TRPV5: variants seen among roughly 807,000 people sequenced by gnomAD.
The protein encoded by TRPV5 is calcium transport protein 2.
Under a neutral mutation model 74.1 loss-of-function variants are expected in TRPV5, and 66 were observed. The observed-to-expected ratio is 0.89, with a 90% confidence interval of 0.73 to 1.09. TRPV5 has a LOEUF of 1.09. Ranked by LOEUF, TRPV5 falls within the 50% of genes least tolerant of loss-of-function variation. The pLI, the probability that TRPV5 is intolerant of heterozygous loss-of-function variation, is 0.00. For missense variants in TRPV5, 936 were observed against 930.4 expected (o/e 1.01, Z -0.08); for synonymous variants, 399 against 360.7 (o/e 1.11, Z -1.20).
At chr7:142,932,661 G>A (rs995016157) in intron 1 of TRPV5, among the ~76,000 whole-genome samples, 1 of 152,156 alleles carries the variant, frequency 6.6e-6, no homozygotes, top group Non-Finnish European at 1.5e-5. Context: ...GCTCTTCCTG[G>A]GACTGGACCT....
rs1203156062 is a variant in TRPV5 at position 142,928,753 on chromosome 7, G to C, written c.700C>G (p.Leu234Val). 1 of 1,614,194 alleles carries C rather than the reference G, an allele frequency of 6.2e-7. No homozygotes were observed. The highest frequency in any genetic ancestry group is 8.5e-7 in the Non-Finnish European group (1 of 1,180,024). ...GHGDHLQPLD[L>V]VPNHQGLTPF... The stretch of plus-strand genomic sequence containing the variant: ...GTGAGACCCTGGTGATTGGGCACAA[G>C]GTCCAGGGGCTGCAGGTGGTCCCCA... The change falls in exon 6 of 15, where the codon CTT becomes GTT. Residue 234 changes from leucine to valine, a missense_variant. Transcript: ENST00000265310.
At position 142,915,062 on chromosome 7, in the gene TRPV5, G is replaced by A. The variant is rs150334128; in HGVS notation, c.1287-16C>T. ...ATAGGTGATGCTGGGGGAGCAGAAA[G>A]CAGAGAGTGAGAGACAAGCTGGAAC... On this transcript the variant is annotated splice_polypyrimidine_tract_variant and intron_variant, in intron 10 of 14. Coordinates refer to ENST00000265310, the MANE Select transcript of TRPV5 (RefSeq NM_019841.7). The A allele has an allele frequency of 4.9e-4, 798 of 1,612,302 alleles. 2 individuals carry two copies. The African/African-American group carries it at 9.4e-3, about 19-fold the overall frequency.
chr7:142,912,051 T>C (rs1447365773), intron 13 of TRPV5, among the ~76,000 whole-genome samples: 1 of 152,210 alleles, frequency 6.6e-6, no homozygotes, highest in Admixed American at 6.5e-5. Flanking sequence ...TTATGTTAAG[T>C]AGGAGGTCAA....
Position 142,928,199 on chromosome 7 carries a change from G to C in TRPV5, c.798C>G (p.Ile266Met). ...AGGTCAGGGGTCCATACGTCCACTG[G>C]ATGTGCCTCCGCTTCTGCATCAGGT... ...FQHLMQKRRH[I>M]QWTYGPLTSI... The change falls in exon 7 of 15, where the codon ATC becomes ATG. Residue 266 changes from isoleucine (I) to methionine (M), a missense_variant. Ile to Met is a conservative substitution (Grantham distance 10, BLOSUM62 1). Transcript: ENST00000265310. 1 of 1,614,156 alleles carries C rather than the reference G, an allele frequency of 6.2e-7. No homozygotes were observed. Among genetic ancestry groups the C allele is most frequent in the Non-Finnish European group, 8.5e-7 (1 of 1,180,006 alleles).
In TRPV5 at chr7:142,930,354, T is replaced by A; in HGVS notation, c.221A>T (p.Gln74Leu). Residue 74 changes from glutamine to leucine, a missense_variant, in exon 2 of 15, where the codon CAA becomes CTA. By Grantham distance (113) the Gln-to-Leu change is moderately radical. Coordinates refer to ENST00000265310, the MANE Select transcript of TRPV5 (RefSeq NM_019841.7). ...CCATTAAATCCAGATCCCACCTCTT[T>A]GTCGAACGTCACAGGTGCAGTCCAG... ...LLLDCTCDVR[Q>L]RGALGETALH... The A allele has an allele frequency of 6.2e-7, 1 of 1,614,088 alleles. No homozygotes were observed. The highest frequency in any genetic ancestry group is 2.2e-5 in the East Asian group (1 of 44,878).
chr7:142,919,603 A>ACTGGAATT (rs1249505603), intron 8 of TRPV5, among the ~76,000 whole-genome samples: 1 of 152,214 alleles, frequency 6.6e-6, no homozygotes, highest in Non-Finnish European at 1.5e-5. Flanking sequence ...TCTAACAATG[A>ACTGGAATT]CTGGAATTTT....
In TRPV5 at chr7:142,912,509, C is replaced by T. The variant is rs199538456; in HGVS notation, c.1761G>A (p.Gln587=). The change falls in exon 13 of 15, where the codon CAG becomes CAA. Residue 587 remains glutamine, a synonymous_variant. Coordinates refer to ENST00000265310, the MANE Select transcript of TRPV5 (RefSeq NM_019841.7). ...GGGCCCTCCAGAGCTCATCCCTCTC[C>T]TGGGCCACCCTCCAGTGGGTGTCGC... ...MMGDTHWRVA[Q]ERDELWRAQV... is the part of the protein sequence containing the mutation. 6.2e-7 allele frequency: 1 copy of T among 1,614,232 alleles called. No individual in the cohort carries two copies. The highest frequency in any genetic ancestry group is 1.3e-5 in the African/African-American group (1 of 75,066).
In TRPV5 at chr7:142,908,571, G is replaced by A; in HGVS notation, c.2133C>T (p.His711=). Residue 711 remains histidine (H), a synonymous_variant, in exon 15 of 15, where the codon CAC becomes CAT. Coordinates refer to ENST00000265310, the MANE Select transcript of TRPV5 (RefSeq NM_019841.7). ...WEILRQNTLG[H]LNLGLNLSEG... is the part of the protein sequence containing the mutation. ...CACTAAGGTTCAGTCCAAGATTCAA[G>A]TGCCCCAGGGTGTTTTGACGAAGGA... is the stretch of plus-strand genomic sequence containing the variant. 6.2e-7 allele frequency: 1 copy of A among 1,614,222 alleles called. No homozygotes were observed. Among genetic ancestry groups the A allele is most frequent in the Non-Finnish European group, 8.5e-7 (1 of 1,180,044 alleles).
rs1241856407 is a variant in TRPV5, at chr7:142,908,706, T to C, written c.1998A>G (p.Lys666=). The C allele has an allele frequency of 2.5e-6, 4 of 1,614,208 alleles. No individual in the cohort carries two copies. Among genetic ancestry groups the C allele is most frequent in the Non-Finnish European group, 3.4e-6 (4 of 1,180,038 alleles). Residue 666 remains lysine (K), a synonymous_variant, in exon 15 of 15, where the codon AAA becomes AAG. Coordinates refer to ENST00000265310, the MANE Select transcript of TRPV5 (RefSeq NM_019841.7). ...TCCCACTCTCAGCCCCAGAGGGCTG[T>C]TTCTCAGATGGATGCTCCTGGTCAT... ...KEDDQEHPSE[K]QPSGAESGTL...
chr7:142,928,664 ACCT>A, intron 6 of TRPV5, 24 bp downstream of exon 6: 1 of 1,603,964 alleles, frequency 6.2e-7, no homozygotes, highest in East Asian at 2.2e-5. Context: ...TTAGAAAGAC[ACCT>A]CAGGGATGGG....
In TRPV5 at chr7:142,925,658, G is replaced by A. The variant is rs750196076; in HGVS notation, c.993C>T (p.Ile331=). ...WNKYGRPYFC[I]LAALYLLYMI... ...TGTAGAGCAGGTACAAGGCAGCCAG[G>A]ATGCAGAAGTACGGCCGGCCATACT... The change falls in exon 8 of 15, where the codon ATC becomes ATT. Residue 331 remains isoleucine (I), a synonymous_variant. Coordinates refer to ENST00000265310, the MANE Select transcript of TRPV5 (RefSeq NM_019841.7). The A allele has an allele frequency of 1.2e-6, 2 of 1,614,084 alleles. No homozygotes were observed. The highest frequency in any genetic ancestry group is 1.3e-5 in the African/African-American group (1 of 74,912).
At chr7:142,911,139 C>A (rs4252502) in intron 13 of TRPV5, among the ~76,000 whole-genome samples, 141 of 152,294 alleles carry the variant, frequency 9.3e-4, no homozygotes, top group African/African-American at 3.3e-3. Context: ...CATTGCACAT[C>A]CTCATTCTTT....
At chr7:142,923,264 T>C (rs1156988509) in intron 8 of TRPV5, among the ~76,000 whole-genome samples, 1 of 152,198 alleles carries the variant, frequency 6.6e-6, no homozygotes, top group African/African-American at 2.4e-5. Context: ...AGACACTGTA[T>C]TTGTGCGTTT....
In TRPV5 at chr7:142,913,365, A is replaced by G. The variant is rs4252496; in HGVS notation, c.1520-615T>C. On this transcript the variant is annotated intron_variant, in intron 12 of 14. Transcript: ENST00000265310. Reference sequence around the variant, plus strand: ...CTGCTTGAAAGCCTCCTCACTGCATAGGGAGCTGAAGCACATTCTGAGAGC... The same window carrying G: ...CTGCTTGAAAGCCTCCTCACTGCATGGGGAGCTGAAGCACATTCTGAGAGC... Among the ~76,000 whole-genome samples the G allele has an allele frequency of 3.9e-3, 594 of 152,352 alleles. 3 individuals are homozygous for G. The highest frequency in any genetic ancestry group is 0.014 in the African/African-American group (578 of 41,588).
chr7:142,909,455 C>T (rs775463672), intron 14 of TRPV5, 35 bp downstream of exon 14: 4 of 1,609,244 alleles, frequency 2.5e-6, no homozygotes, highest in Middle Eastern at 1.7e-4. Context: ...GCCTTATACA[C>T]ATCTGCAGTT....
Position 142,912,594 on chromosome 7 carries a change from T to C in TRPV5, c.1676A>G (p.Asn559Ser), listed in dbSNP as rs150034342. ...TGTGGCAATGATGGTGAAGGCGAAG[T>C]TGACAATGCTGAACATGAAGGGCAA... ...VDLPFMFSIV[N>S]FAFTIIATLL... is the part of the protein sequence containing the mutation. The change falls in exon 13 of 15, where the codon AAC (asparagine) becomes AGC (serine). Residue 559 changes from asparagine to serine, a missense_variant. Transcript: ENST00000265310. 4.3e-5 allele frequency: 69 copies of C among 1,614,208 alleles called. No individual in the cohort carries two copies. Among genetic ancestry groups the C allele is most frequent in the Middle Eastern group, 3.3e-4 (2 of 6,062 alleles).
chr7:142,914,854 C>T (rs776486695), intron 11 of TRPV5, 27 bp downstream of exon 11: 54 of 1,612,430 alleles, frequency 3.3e-5, no homozygotes, highest in Middle Eastern at 1.6e-4. Flanking sequence ...GTGCCTGAGG[C>T]GGAGGAAGCT....
chr7:142,924,315 C>CATGTATATATATACATATATATATAT (rs1795940394), intron 8 of TRPV5, among the ~76,000 whole-genome samples: 1 of 16,752 alleles, frequency 6.0e-5, no homozygotes, highest in Non-Finnish European at 1.2e-4. Flanking sequence ...TATATATACA[C>CATGTATATATATACATATATATATAT]ACATATACAT....
rs772191439 is a variant in TRPV5, at chr7:142,929,002, C to T, written c.586+20G>A. 7 of 1,613,752 alleles carry T rather than the reference C, an allele frequency of 4.3e-6. No individual in the cohort carries two copies. The highest frequency in any genetic ancestry group is 2.2e-5 in the South Asian group (2 of 91,060). ...CGCTCCCCACAGCATCCCAGCTCCC[C>T]TCCCCATCCCAGCTCTTACCCAGGG... On this transcript the variant is annotated intron_variant, in intron 5 of 14. Transcript: ENST00000265310.
Sources: gnomAD v4.1 joint callset for allele counts (sites outside exome capture counted in the v4.1 genomes callset) on GRCh38, gnomAD v4.1.1 for gene constraint, MANE v1.5 for transcripts, NCBI Gene and HGNC (gene_info 2026-07-23, HGNC 2026-07-21) for gene names.